The following RELN variants were observed in gnomAD, a reference collection of about 807,000 sequenced individuals.
RELN encodes the protein reelin.
Under a neutral mutation model 427.6 loss-of-function variants are expected in RELN, and 108 were observed. The observed-to-expected ratio is 0.25, with a 90% CI of 0.22 to 0.30. The LOEUF (loss-of-function observed/expected upper bound fraction) is 0.30. RELN is among the 10% of genes least tolerant of loss of function. The probability of loss-of-function intolerance (pLI) is 1.00; values close to 1 mark genes in which losing one functional copy is unlikely to be tolerated. For missense variants in RELN, 3,715 were observed against 4,302.8 expected (o/e 0.86, Z 3.82); for synonymous variants, 1,524 against 1,513.4 (o/e 1.01, Z -0.16).
At chr7:103,744,938 C>T (rs530945550) in intron 6 of RELN, among the ~76,000 whole-genome samples, 2 of 152,288 alleles carry the variant, frequency 1.3e-5, no homozygotes, top group African/African-American at 4.8e-5. Context: ...ATCCTGATTC[C>T]AAAGCCTGGC....
chr7:103,976,956 G>T (rs1247409339), intron 1 of RELN, among the ~76,000 whole-genome samples: 1 of 152,130 alleles, frequency 6.6e-6, no homozygotes, highest in Non-Finnish European at 1.5e-5. Flanking sequence ...GGAGGCTGAG[G>T]TTGGGAGGAT....
intron 10 of RELN, among the ~76,000 whole-genome samples, chr7:103,687,179 A>G (rs1429023442): frequency 6.6e-6 from 1 of 152,186 alleles, no homozygotes; most frequent in African/African-American, 2.4e-5. Context: ...GGCAATAGTG[A>G]CAGATTTGAA....
At chr7:103,945,931 C>T (rs1231948171) in intron 1 of RELN, among the ~76,000 whole-genome samples, 1 of 152,152 alleles carries the variant, frequency 6.6e-6, no homozygotes, top group Non-Finnish European at 1.5e-5. Context: ...GTCTCCTAGG[C>T]TGCACCATCT....
rs1214200706 is a variant in RELN, at chr7:103,654,211, C to T, written c.1442-6G>A. On this transcript the variant is annotated splice_polypyrimidine_tract_variant and splice_region_variant and intron_variant, in intron 12 of 64. Coordinates refer to ENST00000428762, the MANE Select transcript of RELN (RefSeq NM_005045.4). ...TCCAGGGTCACAAATTCCTCCTGCA[C>T]AAAACAAAAATTTTAAGTTGCTAGT... 2.6e-6 allele frequency: 4 copies of T among 1,561,440 alleles called. No homozygotes were observed. The highest frequency in any genetic ancestry group is 1.1e-5 in the South Asian group (1 of 89,996).
At chr7:103,766,786 G>C (rs1791434302) in intron 4 of RELN, among the ~76,000 whole-genome samples, 1 of 152,244 alleles carries the variant, frequency 6.6e-6, no homozygotes, top group Admixed American at 6.5e-5. Context: ...ACTGTTCTGA[G>C]GGTGATGAAC....
intron 4 of RELN, among the ~76,000 whole-genome samples, chr7:103,754,445 A>G (rs867099670): frequency 6.6e-6 from 1 of 151,874 alleles, no homozygotes; most frequent in Non-Finnish European, 1.5e-5. Flanking sequence ...GTGGAGTTAC[A>G]AAAGGAAGAC....
chr7:103,773,193 T>TCGC (rs1791631740), intron 4 of RELN, among the ~76,000 whole-genome samples: 1 of 134,116 alleles, frequency 7.5e-6, no homozygotes, highest in Non-Finnish European at 1.6e-5. Context: ...TTTCTTTTCT[T>TCGC]TCTTTCTCTC....
chr7:103,901,922 C>T (rs1442002007), intron 2 of RELN, among the ~76,000 whole-genome samples: 1 of 152,048 alleles, frequency 6.6e-6, no homozygotes, highest in African/African-American at 2.4e-5. Flanking sequence ...AAACACACTA[C>T]TGTTTAACTT....
At chr7:103,718,912 C>A (rs905401087) in intron 8 of RELN, among the ~76,000 whole-genome samples, 1 of 152,026 alleles carries the variant, frequency 6.6e-6, no homozygotes, top group African/African-American at 2.4e-5. Context: ...TTGGTAAATT[C>A]TTTTAGAGTG....
At chr7:103,920,085 A>G (rs910941660) in intron 1 of RELN, among the ~76,000 whole-genome samples, 1 of 144,304 alleles carries the variant, frequency 6.9e-6, no homozygotes, top group African/African-American at 2.6e-5. Context: ...CATTTGAAGA[A>G]TGTGAAATAC....
chr7:103,676,906 G>T (rs961391556), intron 11 of RELN, among the ~76,000 whole-genome samples: 1 of 152,092 alleles, frequency 6.6e-6, no homozygotes, highest in African/African-American at 2.4e-5. Flanking sequence ...GGAGCAGGGG[G>T]GAGGGATAGC....
chr7:103,942,292 T>C (rs1387143142), intron 1 of RELN, among the ~76,000 whole-genome samples: 1 of 152,132 alleles, frequency 6.6e-6, no homozygotes, highest in Admixed American at 6.6e-5. Context: ...ACCAACATCT[T>C]CCACCCTCCC....
At chr7:103,564,045 TA>T (rs113310191) in intron 34 of RELN, among the ~76,000 whole-genome samples, 36 of 152,320 alleles carry the variant, frequency 2.4e-4, no homozygotes, top group African/African-American at 8.2e-4. Context: ...TGCATGACTT[TA>T]ACACATTTGG....
At chr7:103,925,026 A>T (rs1795700916) in intron 1 of RELN, among the ~76,000 whole-genome samples, 1 of 139,754 alleles carries the variant, frequency 7.2e-6, no homozygotes, top group Admixed American at 7.2e-5. Context: ...ACACACACAC[A>T]CACACACACA....
chr7:103,896,829 C>T (rs898306681), intron 2 of RELN, among the ~76,000 whole-genome samples: 1 of 152,036 alleles, frequency 6.6e-6, no homozygotes, highest in Non-Finnish European at 1.5e-5. Context: ...GAACAGTAGA[C>T]TGATACGACT....
intron 13 of RELN, 99 bp downstream of exon 13, chr7:103,653,994 A>G (rs556157932): frequency 1.2e-5 from 9 of 773,704 alleles, no homozygotes; most frequent in Middle Eastern, 2.3e-4. Context: ...CAGAACAGGG[A>G]TGTATCTTCT....
intron 30 of RELN, among the ~76,000 whole-genome samples, chr7:103,572,703 A>G (rs1830911480): frequency 1.3e-5 from 2 of 151,774 alleles, no homozygotes; most frequent in African/African-American, 2.4e-5. Flanking sequence ...CGCCTGGCTA[A>G]TTTCCTTTTG....
intron 2 of RELN, among the ~76,000 whole-genome samples, chr7:103,886,619 C>G (rs1489089442): frequency 6.6e-6 from 1 of 152,088 alleles, no homozygotes; most frequent in Non-Finnish European, 1.5e-5. Flanking sequence ...TTAAGTAAAT[C>G]CCATAATGTT....
rs79732085 is a variant in RELN at position 103,882,562 on chromosome 7, A to G, written c.337+34513T>C. Among the ~76,000 whole-genome samples, 602 of 152,254 alleles carry G rather than the reference A, an allele frequency of 4.0e-3. 23 individuals carry two copies. In the East Asian group the frequency reaches 0.072, roughly 18 times the overall value. On this transcript the variant is annotated intron_variant, in intron 2 of 64. Coordinates refer to ENST00000428762, the MANE Select transcript of RELN (RefSeq NM_005045.4). ...TAGGTAAACCGCTAACCAGAATAAT[A>G]AAGAGAAAAGAATCAAATAGACACA...
Sources: gnomAD v4.1 joint callset for allele counts (sites outside exome capture counted in the v4.1 genomes callset) on GRCh38, gnomAD v4.1.1 for gene constraint, MANE v1.5 for transcripts, NCBI Gene and HGNC (gene_info 2026-07-23, HGNC 2026-07-21) for gene names.